The following SNX25 variants were observed in gnomAD, a reference collection of about 807,000 sequenced individuals.
SNX25 encodes the protein sorting nexin-25.
In SNX25, 62 loss-of-function variants were observed where a neutral mutation model predicts 113.7. That is an observed-to-expected ratio of 0.55 (90% confidence interval 0.44 to 0.67). The LOEUF (loss-of-function observed/expected upper bound fraction) is 0.67, where lower values mean the gene tolerates loss of function less well. SNX25 is among the 30% of genes least tolerant of loss of function. The pLI, the probability that SNX25 is intolerant of heterozygous loss-of-function variation, is 0.00. For missense variants in SNX25, 1,014 were observed against 1,161.0 expected, an observed-to-expected ratio of 0.87 and a Z score of 1.84; for synonymous variants, 421 against 436.2, an observed-to-expected ratio of 0.97 and a Z score of 0.43.
intron 5 of SNX25, among the ~76,000 whole-genome samples, chr4:185,281,899 C>T (rs999867599): frequency 1.3e-5 from 2 of 151,964 alleles, no homozygotes; most frequent in African/African-American, 4.8e-5. Context: ...ACCTGTAATC[C>T]CAGCTATTCC....
upstream of SNX25, among the ~76,000 whole-genome samples, chr4:185,208,079 G>C (rs892315197): frequency 2.0e-5 from 3 of 152,042 alleles, no homozygotes; most frequent in Non-Finnish European, 4.4e-5. Flanking sequence ...AGGCAAAAGG[G>C]CTTCTTCAAA....
intron 7 of SNX25, among the ~76,000 whole-genome samples, chr4:185,316,249 T>C (rs1190214133): frequency 6.6e-6 from 1 of 152,242 alleles, no homozygotes; most frequent in Non-Finnish European, 1.5e-5. Context: ...TTTGTTGTTG[T>C]CTTTCGTGAT....
At position 185,209,771 on chromosome 4, in the gene SNX25, C is replaced by A. The variant is rs539995614; in HGVS notation, c.-56C>A. 1.0e-6 allele frequency: 1 copy of A among 984,006 alleles called. No homozygotes were observed. Among genetic ancestry groups the A allele is most frequent in the African/African-American group, 1.7e-5 (1 of 57,208 alleles). 61.0% of individuals were successfully genotyped at this position (984,006 alleles called of 1,614,324 possible). ...CGGGCTCCCCCTGCCTCCGGAGCGC[C>A]GGCGGGGGACCGGGGGGCAGGAGAT... On this transcript the variant is annotated 5_prime_UTR_variant, in exon 1 of 19. Coordinates refer to ENST00000652585, the MANE Select transcript of SNX25 (RefSeq NM_001378034.2). This position sits in a 1 kb window ranked among gnomAD's most constrained non-coding sequence, Gnocchi z 5.2.
intron 5 of SNX25, 97 bp downstream of exon 5, chr4:185,267,252 G>A: frequency 8.5e-7 from 1 of 1,176,496 alleles, no homozygotes; most frequent in Non-Finnish European, 1.2e-6. Context: ...CAGGGAAGCA[G>A]AAATAAAACA....
chr4:185,341,226 C>CGCATGCACACGT (rs112822221), intron 11 of SNX25, among the ~76,000 whole-genome samples: 5,241 of 152,236 alleles, frequency 0.034, 234 homozygotes, highest in African/African-American at 0.1. Context: ...CACGTGTGCA[C>CGCATGCACACGT]GCATGCACAC....
At chr4:185,301,364 TGTATC>T (rs1465001564) in intron 6 of SNX25, among the ~76,000 whole-genome samples, 1 of 152,190 alleles carries the variant, frequency 6.6e-6, no homozygotes, top group Non-Finnish European at 1.5e-5. Context: ...TCTCTTCATC[TGTATC>T]GTTAGTCAGA....
At chr4:185,371,540 TAAAAAAAAAAAAA>T (rs11288148), downstream of SNX25, among the ~76,000 whole-genome samples, 9 of 78,300 alleles carry the variant, frequency 1.1e-4, no homozygotes, top group South Asian at 2.8e-3. Flanking sequence ...AGACTCCGTC[TAAAAAAAAAAAAA>T]AAAAAAAAAA....
At chr4:185,370,806 T>G (rs1390201718), downstream of SNX25, 1 of 1,613,994 alleles carries the variant, frequency 6.2e-7, no homozygotes, top group East Asian at 2.2e-5. Context: ...CTCATCATAG[T>G]CAGCGATCCT....
At chr4:185,362,744 T>C in intron 18 of SNX25, 33 bp downstream of exon 18, 2 of 1,563,420 alleles carry the variant, frequency 1.3e-6, no homozygotes, top group Non-Finnish European at 1.8e-6. Context: ...GGTTTCCTGC[T>C]TTATTTTTGT....
intron 6 of SNX25, among the ~76,000 whole-genome samples, chr4:185,294,729 A>C (rs966434469): frequency 6.6e-6 from 1 of 152,192 alleles, no homozygotes; most frequent in Non-Finnish European, 1.5e-5. Flanking sequence ...GACTTCCGCT[A>C]ACTCATTATA....
At chr4:185,375,596 C>T in the SNX25 span, 2 of 1,452,848 alleles carry the variant, frequency 1.4e-6, no homozygotes, top group South Asian at 1.4e-5. Context: ...ACCACTGTGA[C>T]CAAGACATTA....
chr4:185,324,938 T>C (rs1428445131), intron 9 of SNX25, among the ~76,000 whole-genome samples: 1 of 152,178 alleles, frequency 6.6e-6, no homozygotes, highest in Admixed American at 6.5e-5. Flanking sequence ...ATAGCTGTAA[T>C]CCTGTCATTT....
intron 5 of SNX25, 125 bp downstream of exon 5, chr4:185,267,280 A>G: frequency 6.8e-6 from 6 of 881,954 alleles, no homozygotes; most frequent in Admixed American, 2.6e-5. Flanking sequence ...AAATCTTACT[A>G]TTTAGTGACA....
At chr4:185,346,155 G>A (rs990116720) in intron 12 of SNX25, among the ~76,000 whole-genome samples, 26 of 152,162 alleles carry the variant, frequency 1.7e-4, no homozygotes, top group South Asian at 6.2e-4. Flanking sequence ...CACCACGCCC[G>A]GCCATTTTCT....
At chr4:185,372,552 G>A (rs1037515236), downstream of SNX25, among the ~76,000 whole-genome samples, 9 of 152,200 alleles carry the variant, frequency 5.9e-5, no homozygotes, top group African/African-American at 2.2e-4. Flanking sequence ...TTACTGCTAT[G>A]GTTTGACTAG....
At chr4:185,266,189 A>T (rs1668622880) in intron 4 of SNX25, among the ~76,000 whole-genome samples, 2 of 152,130 alleles carry the variant, frequency 1.3e-5, no homozygotes, top group Admixed American at 6.5e-5. Context: ...AGTTACAAGG[A>T]TGGCTTTGTA....
intron 1 of SNX25, among the ~76,000 whole-genome samples, chr4:185,228,195 A>T (rs1231041296): frequency 6.6e-6 from 1 of 152,112 alleles, no homozygotes; most frequent in Non-Finnish European, 1.5e-5. Flanking sequence ...TGGTACCTAG[A>T]GGGGAGTGTG....
intron 13 of SNX25, among the ~76,000 whole-genome samples, chr4:185,346,899 T>A (rs1162112123): frequency 2.6e-5 from 4 of 152,222 alleles, no homozygotes; most frequent in Admixed American, 6.5e-5. Context: ...ATGCACTGGT[T>A]ATCACCAGCA....
At chr4:185,264,330 A>G in intron 3 of SNX25, 108 bp from the exon 4 acceptor site, 1 of 1,034,998 alleles carries the variant, frequency 9.7e-7, no homozygotes, top group Non-Finnish European at 1.4e-6. Context: ...AGGAGATGGC[A>G]GTTACTATAA....
Sources: gnomAD v4.1 joint callset for allele counts (sites outside exome capture counted in the v4.1 genomes callset) on GRCh38, gnomAD v4.1.1 for gene constraint, Gnocchi (gnomAD v3.1) non-coding constraint, MANE v1.5 for transcripts, NCBI Gene and HGNC (gene_info 2026-07-23, HGNC 2026-07-21) for gene names.